DPYSL2: variants seen among roughly 807,000 people sequenced by gnomAD.
DPYSL2 encodes dihydropyrimidinase like 2, also known as dihydropyrimidinase-related protein 2.
In DPYSL2, 13 loss-of-function variants were observed where a neutral mutation model predicts 69.9. The observed-to-expected ratio is 0.19, with a 90% confidence interval of 0.12 to 0.30. The LOEUF is 0.30. Among genes scored for constraint, DPYSL2 ranks in the 10% least tolerant of loss-of-function variants. The pLI, the probability that DPYSL2 is intolerant of heterozygous loss-of-function variation, is 1.00. For missense variants in DPYSL2, 587 were observed against 918.9 expected (o/e 0.64, Z 4.67); for synonymous variants, 326 against 359.1 (o/e 0.91, Z 1.04).
rs36110958 is a variant in DPYSL2 at position 26,626,144 on chromosome 8, T to A, written c.794-473T>A. ...CCATGATGTCCTTAAGGTTTCTCCA[T>A]GTTGTAGCATGTGTCAGGGTGTCTT... On this transcript the variant is annotated intron_variant, in intron 4 of 13. Coordinates refer to ENST00000521913, the MANE Select transcript of DPYSL2 (RefSeq NM_001197293.3). The surrounding 1 kb of genome is among the most constrained non-coding windows in gnomAD (Gnocchi z 4.3). 0.14 allele frequency among the ~76,000 whole-genome samples: 20,962 copies of A among 152,218 alleles called. 1,654 individuals are homozygous for A. The highest frequency in any genetic ancestry group is 0.18 in the Non-Finnish European group (12,016 of 67,998).
At chr8:26,530,849 A>G (rs190687096) in intron 1 of DPYSL2, among the ~76,000 whole-genome samples, 123 of 152,286 alleles carry the variant, frequency 8.1e-4, no homozygotes, top group African/African-American at 2.9e-3. Context: ...CAAAGTGGGT[A>G]TCATGACCAG....
chr8:26,554,067 T>G (rs1800907834), intron 1 of DPYSL2, among the ~76,000 whole-genome samples: 1 of 151,986 alleles, frequency 6.6e-6, no homozygotes, highest in Admixed American at 6.6e-5. Flanking sequence ...TTTTTGTATT[T>G]TTAGTAGGGA....
In DPYSL2 at chr8:26,598,869, C is replaced by T. The variant is rs1465417233; in HGVS notation, c.628+14886C>T. On this transcript the variant is annotated intron_variant, in intron 3 of 13. Coordinates refer to ENST00000521913, the MANE Select transcript of DPYSL2 (RefSeq NM_001197293.3). The surrounding 1 kb of genome is among the most constrained non-coding windows in gnomAD (Gnocchi z 4.2). Reference sequence around the variant, plus strand: ...AAAGCCCAGAAAGGGATGTGGCACTCGGGCAGGACGGGGGCTGCTTCTGTG... The same window carrying T: ...AAAGCCCAGAAAGGGATGTGGCACTTGGGCAGGACGGGGGCTGCTTCTGTG... Among the ~76,000 whole-genome samples, 4 of 152,278 alleles carry T rather than the reference C, an allele frequency of 2.6e-5. No homozygotes were observed. Among genetic ancestry groups the T allele is most frequent in the Admixed American group, 6.5e-5 (1 of 15,292 alleles).
In DPYSL2 at chr8:26,587,750, C is replaced by T. The variant is rs1430620472; in HGVS notation, c.628+3767C>T. On this transcript the variant is annotated intron_variant, in intron 3 of 13. Transcript: ENST00000521913. This position sits in a 1 kb window ranked among gnomAD's most constrained non-coding sequence, Gnocchi z 4.2. ...CATACCCTGCAGGCGGCATCCAGAC[C>T]GGCTGAGGGGTTGCGGGGGCGGCCG... Among the ~76,000 whole-genome samples the T allele has an allele frequency of 6.6e-5, 10 of 152,134 alleles. No homozygotes were observed. Among genetic ancestry groups the T allele is most frequent in the South Asian group, 2.1e-4 (1 of 4,824 alleles).
At chr8:26,631,773 G>T (rs1417781904) in intron 7 of DPYSL2, among the ~76,000 whole-genome samples, 1 of 152,074 alleles carries the variant, frequency 6.6e-6, no homozygotes, top group African/African-American at 2.4e-5. Flanking sequence ...GAGGAGGGGG[G>T]ATGCAGGGGG....
chr8:26,629,465 G>GA (rs1802693743), intron 7 of DPYSL2, among the ~76,000 whole-genome samples: 1 of 152,216 alleles, frequency 6.6e-6, no homozygotes, highest in East Asian at 1.9e-4. Context: ...CCTCTCCCCA[G>GA]ATGACAGAAT....
Position 26,554,177 on chromosome 8 carries a change from C to A in DPYSL2, c.355-27792C>A, listed in dbSNP as rs1043185591. 2.6e-5 allele frequency among the ~76,000 whole-genome samples: 4 copies of A among 152,178 alleles called. No individual in the cohort carries two copies. In the South Asian group the frequency reaches 8.3e-4, roughly 32 times the overall value. ...TGCTAGGATTACAGGCATGAGCTAC[C>A]GTGCCTGGCCATTTTTTGGCTTTTT... is the stretch of plus-strand genomic sequence containing the variant. On this transcript the variant is annotated intron_variant, in intron 1 of 13. Coordinates refer to ENST00000521913, the MANE Select transcript of DPYSL2 (RefSeq NM_001197293.3).
chr8:26,564,947 C>T lies in DPYSL2; in HGVS notation c.355-17022C>T, dbSNP rs1183104029. 6.6e-6 allele frequency among the ~76,000 whole-genome samples: 1 copy of T among 151,964 alleles called. No individual in the cohort carries two copies. Among genetic ancestry groups the T allele is most frequent in the Admixed American group, 6.6e-5 (1 of 15,258 alleles). The stretch of plus-strand genomic sequence containing the variant: ...TCCCACCCTCCTTCTTCTGAGTCTC[C>T]AAAGTCCATTATATCACTCTGTATG... On this transcript the variant is annotated intron_variant, in intron 1 of 13. Coordinates refer to ENST00000521913, the MANE Select transcript of DPYSL2 (RefSeq NM_001197293.3). The surrounding 1 kb of genome is among the most constrained non-coding windows in gnomAD (Gnocchi z 4.8).
chr8:26,520,006 T>C (rs1383539177), intron 1 of DPYSL2, among the ~76,000 whole-genome samples: 1 of 152,214 alleles, frequency 6.6e-6, no homozygotes, highest in African/African-American at 2.4e-5. Flanking sequence ...TGTACTCCCA[T>C]AATTCCCACA....
In DPYSL2 at chr8:26,648,704, A is replaced by C. The variant is rs1165288720; in HGVS notation, c.1596+904A>C. Among the ~76,000 whole-genome samples the C allele has an allele frequency of 6.6e-6, 1 of 152,190 alleles. No homozygotes were observed. Among genetic ancestry groups the C allele is most frequent in the Non-Finnish European group, 1.5e-5 (1 of 68,036 alleles). ...GCCAGCAAGCACTGACACCTCCCCC[A>C]CACACCACGACAGCTTAGGGCAGGT... On this transcript the variant is annotated intron_variant, in intron 11 of 13. Coordinates refer to ENST00000521913, the MANE Select transcript of DPYSL2 (RefSeq NM_001197293.3). The surrounding 1 kb of genome is among the most constrained non-coding windows in gnomAD (Gnocchi z 4.3).
At position 26,624,965 on chromosome 8, in the gene DPYSL2, G is replaced by A. The variant is rs327223; in HGVS notation, c.793+658G>A. 0.081 allele frequency among the ~76,000 whole-genome samples: 12,371 copies of A among 152,186 alleles called. 711 individuals are homozygous for A. The highest frequency in any genetic ancestry group is 0.21 in the Admixed American group (3,220 of 15,282). On this transcript the variant is annotated intron_variant, in intron 4 of 13. Transcript: ENST00000521913. This position sits in a 1 kb window ranked among gnomAD's most constrained non-coding sequence, Gnocchi z 4.7. ...ACATCATCTTCCTGGGTCTCGCTGG[G>A]CTTGGCTAGAGACCAGATTAACTTC...
Position 26,647,670 on chromosome 8 carries a change from C to G in DPYSL2, c.1466C>G (p.Thr489Ser). The change falls in exon 11 of 14, where the codon ACC (threonine) becomes AGC (serine). Residue 489 changes from threonine to serine, a missense_variant. Coordinates refer to ENST00000521913, the MANE Select transcript of DPYSL2 (RefSeq NM_001197293.3). The surrounding 1 kb of genome is among the most constrained non-coding windows in gnomAD (Gnocchi z 5.1). ...KMDENQFVAVTSTNAAKVFNL... is the reference protein window; with the variant it reads ...KMDENQFVAVSSTNAAKVFNL... ...GATGAGAACCAGTTTGTGGCTGTGACCAGCACCAATGCAGCCAAAGTCTTC... is the reference window on the plus strand; with the variant it reads ...GATGAGAACCAGTTTGTGGCTGTGAGCAGCACCAATGCAGCCAAAGTCTTC... 1 of 1,614,008 alleles carries G rather than the reference C, an allele frequency of 6.2e-7. No homozygotes were observed. Among genetic ancestry groups the G allele is most frequent in the Non-Finnish European group, 8.5e-7 (1 of 1,179,944 alleles).
rs889515762 is a variant in DPYSL2, at chr8:26,620,867, A to G, written c.629-3276A>G. Among the ~76,000 whole-genome samples the G allele has an allele frequency of 5.0e-4, 76 of 152,240 alleles. No homozygotes were observed. The highest frequency in any genetic ancestry group is 1.8e-3 in the African/African-American group (75 of 41,464). On this transcript the variant is annotated intron_variant, in intron 3 of 13. Coordinates refer to ENST00000521913, the MANE Select transcript of DPYSL2 (RefSeq NM_001197293.3). The surrounding 1 kb of genome is among the most constrained non-coding windows in gnomAD (Gnocchi z 4.5). The stretch of plus-strand genomic sequence containing the variant: ...GCCTAACTCTAAATTTAGCCAATGT[A>G]TAAGACTAAATGTCAAGTATTTATC...
chr8:26,514,280 C>A lies in DPYSL2; in HGVS notation c.-46C>A. 1 of 1,406,598 alleles carries A rather than the reference C, an allele frequency of 7.1e-7. No homozygotes were observed. Among genetic ancestry groups the A allele is most frequent in the South Asian group, 1.5e-5 (1 of 65,796 alleles). The allele number at this position is 1,406,598 out of a possible 1,614,324, so 87.1% of individuals were successfully genotyped here. A position where few individuals can be genotyped will look rare whatever the true frequency, so the allele number is the denominator to read the frequency against. The stretch of plus-strand genomic sequence containing the variant: ...ACAGCGAGGGAGACTTAGGGACTGG[C>A]AGACGGACGGACGGACGGCGAGGAC... On this transcript the variant is annotated 5_prime_UTR_variant, in exon 1 of 14. Coordinates refer to ENST00000521913, the MANE Select transcript of DPYSL2 (RefSeq NM_001197293.3). The surrounding 1 kb of genome is among the most constrained non-coding windows in gnomAD (Gnocchi z 8.4).
At chr8:26,629,065 A>C (rs1329364086) in intron 7 of DPYSL2, among the ~76,000 whole-genome samples, 2 of 152,188 alleles carry the variant, frequency 1.3e-5, no homozygotes, top group African/African-American at 2.4e-5. Flanking sequence ...AAGAGGAGAA[A>C]GGAGTCAAGA....
At chr8:26,546,082 A>G (rs1482542707) in intron 1 of DPYSL2, among the ~76,000 whole-genome samples, 2 of 152,240 alleles carry the variant, frequency 1.3e-5, no homozygotes, top group East Asian at 1.9e-4. Context: ...CCAGTTGGGA[A>G]GAACTGACAT....
In DPYSL2 at chr8:26,591,954, C is replaced by G. The variant is rs995844892; in HGVS notation, c.628+7971C>G. 6.6e-6 allele frequency among the ~76,000 whole-genome samples: 1 copy of G among 152,158 alleles called. No individual in the cohort carries two copies. Among genetic ancestry groups the G allele is most frequent in the African/African-American group, 2.4e-5 (1 of 41,426 alleles). ...TGTTTAGTAAGCAGGCATATACCCA[C>G]GGAGTCGCTTAAGAAAACACCTAAC... On this transcript the variant is annotated intron_variant, in intron 3 of 13. Transcript: ENST00000521913. This position sits in a 1 kb window ranked among gnomAD's most constrained non-coding sequence, Gnocchi z 5.8.
rs1801510914 is a variant in DPYSL2 at position 26,582,411 on chromosome 8, G to A, written c.443+354G>A. On this transcript the variant is annotated intron_variant, in intron 2 of 13. Transcript: ENST00000521913. This position sits in a 1 kb window ranked among gnomAD's most constrained non-coding sequence, Gnocchi z 4.1. The stretch of plus-strand genomic sequence containing the variant: ...CATTGTTTGGGTTGGATTGCCCAAA[G>A]GACGCAAACGTGAAAGACAGTCTCC... Among the ~76,000 whole-genome samples the A allele has an allele frequency of 1.3e-5, 2 of 152,196 alleles. No homozygotes were observed. Among genetic ancestry groups the A allele is most frequent in the African/African-American group, 4.8e-5 (2 of 41,454 alleles).
intron 1 of DPYSL2, chr8:26,577,803 G>T (rs923888252): frequency 1.9e-5 from 19 of 992,306 alleles, no homozygotes; most frequent in Non-Finnish European, 2.3e-5. Flanking sequence ...GCCGCGCCCC[G>T]CCCCACCGGC....
Sources: allele counts gnomAD v4.1 joint callset (sites outside exome capture counted in the v4.1 genomes callset), GRCh38; gene constraint gnomAD v4.1.1; non-coding constraint Gnocchi (gnomAD v3.1); transcripts MANE v1.5; gene names NCBI Gene and HGNC (gene_info 2026-07-23, HGNC 2026-07-21).